Variants in HPSE2 observed in about 807,000 individuals in gnomAD.
The protein encoded by HPSE2 is heparanase 2 (inactive).
Under a neutral mutation model 60.5 loss-of-function variants are expected in HPSE2, and 38 were observed. The ratio of observed to expected loss-of-function variants is 0.63; its 90% CI spans 0.48 to 0.82. HPSE2 has a LOEUF of 0.82. Among genes scored for constraint, HPSE2 ranks in the 40% least tolerant of loss-of-function variants. The pLI, the probability that HPSE2 is intolerant of heterozygous loss-of-function variation, is 0.00. For missense variants in HPSE2, 713 were observed against 740.4 expected, an observed-to-expected ratio of 0.96 and a Z score of 0.43; for synonymous variants, 295 against 293.2, an observed-to-expected ratio of 1.01 and a Z score of -0.06.
intron 3 of HPSE2, among the ~76,000 whole-genome samples, chr10:98,843,166 T>C (rs564215212): frequency 7.6e-6 from 1 of 130,858 alleles, no homozygotes; most frequent in South Asian, 2.9e-4. Flanking sequence ...ATTAGTTATT[T>C]TTCCTGATAC....
intron 5 of HPSE2, among the ~76,000 whole-genome samples, chr10:98,711,573 T>C (rs1948677433): frequency 6.6e-6 from 1 of 152,080 alleles, no homozygotes; most frequent in Non-Finnish European, 1.5e-5. Flanking sequence ...TTGTTTAACT[T>C]CCTTGATCCA....
At chr10:98,727,665 A>G (rs565529948) in intron 4 of HPSE2, among the ~76,000 whole-genome samples, 1 of 147,412 alleles carries the variant, frequency 6.8e-6, no homozygotes, top group Non-Finnish European at 1.5e-5. Context: ...CAAAAAAACA[A>G]AAAACAACAA....
At chr10:98,651,100 TAA>T (rs1946901795) in intron 6 of HPSE2, among the ~76,000 whole-genome samples, 4 of 152,208 alleles carry the variant, frequency 2.6e-5, no homozygotes, top group African/African-American at 9.7e-5. Flanking sequence ...TATACCTTCT[TAA>T]AGGATGCTCA....
intron 3 of HPSE2, among the ~76,000 whole-genome samples, chr10:98,812,290 G>T (rs189601764): frequency 1.0e-3 from 152 of 152,250 alleles, no homozygotes; most frequent in Admixed American, 2.0e-3. Context: ...ATCTGGTGGT[G>T]ATTCTGACTT....
chr10:98,654,890 G>A (rs1423968079), intron 6 of HPSE2, among the ~76,000 whole-genome samples: 2 of 152,136 alleles, frequency 1.3e-5, no homozygotes, highest in Non-Finnish European at 2.9e-5. Flanking sequence ...AGATGCCAGA[G>A]GCTTCAAAGC....
At chr10:98,851,658 CAT>C (rs1952176865) in intron 3 of HPSE2, among the ~76,000 whole-genome samples, 1 of 152,172 alleles carries the variant, frequency 6.6e-6, no homozygotes, top group Admixed American at 6.5e-5. Context: ...TAATCCAACA[CAT>C]ATTTCTCTTA....
chr10:98,889,598 T>C (rs745364315), intron 3 of HPSE2, among the ~76,000 whole-genome samples: 3 of 152,170 alleles, frequency 2.0e-5, no homozygotes, highest in Non-Finnish European at 4.4e-5. Context: ...AAAAAGCATA[T>C]AGAAGGAAAA....
At chr10:98,479,080 T>G (rs1941134036) in intron 11 of HPSE2, among the ~76,000 whole-genome samples, 1 of 152,112 alleles carries the variant, frequency 6.6e-6, no homozygotes. Context: ...CTTTCAGAGA[T>G]TTCAAATCTT....
chr10:99,008,904 A>G (rs1956948180), intron 3 of HPSE2, among the ~76,000 whole-genome samples: 1 of 152,136 alleles, frequency 6.6e-6, no homozygotes, highest in Non-Finnish European at 1.5e-5. Flanking sequence ...GTTCAGTCCT[A>G]TTTCTAAAAA....
intron 3 of HPSE2, among the ~76,000 whole-genome samples, chr10:98,953,088 T>C (rs768467256): frequency 2.6e-5 from 4 of 152,170 alleles, no homozygotes; most frequent in Admixed American, 1.3e-4. Flanking sequence ...CTTGAGACTG[T>C]TGCATAGTTG....
rs569983969 is a variant in HPSE2 at position 98,519,116 on chromosome 10, G to A, written c.1321-28920C>T. Among the ~76,000 whole-genome samples, 23 of 152,286 alleles carry A rather than the reference G, an allele frequency of 1.5e-4. No homozygotes were observed. In the South Asian group the frequency reaches 3.5e-3, roughly 23 times the overall value. ...GTATGTGCCAGAAAGTCTCACATTC[G>A]GGCTAGGAGCAAGGCCCTACATTGA... is the stretch of plus-strand genomic sequence containing the variant. On this transcript the variant is annotated intron_variant, in intron 9 of 11. Coordinates refer to ENST00000370552, the MANE Select transcript of HPSE2 (RefSeq NM_021828.5).
At chr10:98,712,077 G>A (rs186567218) in intron 5 of HPSE2, among the ~76,000 whole-genome samples, 1 of 152,098 alleles carries the variant, frequency 6.6e-6, no homozygotes, top group African/African-American at 2.4e-5. Context: ...AGAGGGAACA[G>A]AGGAAAAACT....
At chr10:99,153,912 C>T (rs1036848906) in intron 2 of HPSE2, among the ~76,000 whole-genome samples, 4 of 151,590 alleles carry the variant, frequency 2.6e-5, no homozygotes, top group Non-Finnish European at 5.9e-5. Context: ...CTTAAAGGAG[C>T]TGATGGAGCT....
chr10:98,636,624 T>C (rs1946509443), intron 7 of HPSE2, among the ~76,000 whole-genome samples: 1 of 152,174 alleles, frequency 6.6e-6, no homozygotes, highest in Non-Finnish European at 1.5e-5. Context: ...AATTATTATA[T>C]GTCAATTAAA....
At chr10:99,161,833 G>A (rs1185201834) in intron 2 of HPSE2, among the ~76,000 whole-genome samples, 1 of 152,146 alleles carries the variant, frequency 6.6e-6, no homozygotes. Flanking sequence ...AAGACATAAA[G>A]AAGAATATTA....
At chr10:98,883,012 T>A (rs1187913354) in intron 3 of HPSE2, among the ~76,000 whole-genome samples, 2 of 152,040 alleles carry the variant, frequency 1.3e-5, no homozygotes, top group African/African-American at 4.8e-5. Context: ...CCCAAACATG[T>A]CCTGTGATCA....
chr10:98,636,766 T>G (rs1565037191), intron 7 of HPSE2, among the ~76,000 whole-genome samples: 2 of 152,236 alleles, frequency 1.3e-5, no homozygotes, highest in Non-Finnish European at 2.9e-5. Context: ...CCTTTATGAC[T>G]GGGATTTCAC....
At chr10:98,979,179 C>A (rs2496710) in intron 3 of HPSE2, among the ~76,000 whole-genome samples, 4 of 152,016 alleles carry the variant, frequency 2.6e-5, no homozygotes, top group Non-Finnish European at 5.9e-5. Context: ...CTTCAGGCAC[C>A]AGCTAGAGGT....
chr10:99,098,652 C>T (rs1843811229), intron 3 of HPSE2, among the ~76,000 whole-genome samples: 1 of 152,130 alleles, frequency 6.6e-6, no homozygotes, highest in Admixed American at 6.5e-5. Flanking sequence ...TCTTAAAAAT[C>T]TCTTAAAATA....
Sources: allele counts gnomAD v4.1 joint callset (sites outside exome capture counted in the v4.1 genomes callset), GRCh38; gene constraint gnomAD v4.1.1; transcripts MANE v1.5; gene names NCBI Gene and HGNC (gene_info 2026-07-23, HGNC 2026-07-21).